The following ACOT1 variants were observed in gnomAD, a reference collection of about 807,000 sequenced individuals.
ACOT1 encodes acyl-CoA thioesterase 1.
ACOT1 carries 8 observed loss-of-function variants against 15.7 expected under a neutral mutation model. The observed-to-expected ratio is 0.51, with a 90% CI of 0.30 to 0.92. The LOEUF is 0.92. Among genes scored for constraint, ACOT1 ranks in the 40% least tolerant of loss-of-function variants. The pLI is 0.06. For synonymous variants in ACOT1, 67 were observed against 241.2 expected (o/e 0.28, Z 6.69); for missense variants, 151 against 539.4 (o/e 0.28, Z 7.13).
At chr14:73,523,960 C>T in the ACOT1 span, among the ~76,000 whole-genome samples, 42 of 152,086 alleles carry the variant, frequency 2.8e-4, no homozygotes, top group Admixed American at 2.8e-3. Context: ...AGTCATCCAG[C>T]ACACCTATTG....
chr14:73,490,960 G>T, the ACOT1 span: 3 of 1,293,308 alleles, frequency 2.3e-6, no homozygotes, highest in South Asian at 2.5e-5. Flanking sequence ...CTGCATTCAG[G>T]AACCGCTTTA....
At chr14:73,492,443 G>C in the ACOT1 span, 2 of 1,613,778 alleles carry the variant, frequency 1.2e-6, no homozygotes, top group Non-Finnish European at 1.7e-6. The surrounding 1 kb of genome is among the most constrained non-coding windows in gnomAD (Gnocchi z 4.9). Flanking sequence ...GCGAAGAACC[G>C]CTTTCATGGA....
chr14:73,539,592 A>C (rs1889005044), intron 1 of ACOT1: 1 of 116,168 alleles, frequency 8.6e-6, no homozygotes, highest in African/African-American at 2.8e-5. Context: ...AGGGCTTCAC[A>C]CCCATGGGCC....
the ACOT1 span, among the ~76,000 whole-genome samples, chr14:73,513,877 A>C: frequency 1.3e-5 from 2 of 152,084 alleles, no homozygotes; most frequent in African/African-American, 4.8e-5. Flanking sequence ...CTAACACCCA[A>C]TGTGTGAAAG....
At chr14:73,491,492 C>G in the ACOT1 span, 2 of 1,505,626 alleles carry the variant, frequency 1.3e-6, no homozygotes, top group Non-Finnish European at 1.8e-6. Context: ...AGCGGCCGTC[C>G]AGTCGTCCGG....
At chr14:73,536,412 G>A (rs1180749304), upstream of ACOT1, among the ~76,000 whole-genome samples, 1 of 108,870 alleles carries the variant, frequency 9.2e-6, no homozygotes. Context: ...AGAGGCTGAG[G>A]CAGGAAGATG....
the ACOT1 span, among the ~76,000 whole-genome samples, chr14:73,498,554 C>G: frequency 6.6e-6 from 1 of 152,152 alleles, no homozygotes; most frequent in African/African-American, 2.4e-5. Context: ...GGATATTTGC[C>G]TATTTTGGGA....
chr14:73,492,763 C>T, the ACOT1 span: 1 of 1,613,934 alleles, frequency 6.2e-7, no homozygotes, highest in African/African-American at 1.3e-5. This position sits in a 1 kb window ranked among gnomAD's most constrained non-coding sequence, Gnocchi z 4.9. Flanking sequence ...TGGAAGAACC[C>T]AAGTGCTTGG....
the ACOT1 span, chr14:73,499,104 G>A: frequency 6.2e-7 from 1 of 1,614,170 alleles, no homozygotes; most frequent in South Asian, 1.1e-5. Flanking sequence ...TTCCAGTAAG[G>A]ATCTCTCTGC....
chr14:73,524,804 G>C, the ACOT1 span, among the ~76,000 whole-genome samples: 8 of 151,878 alleles, frequency 5.3e-5, no homozygotes, highest in Non-Finnish European at 1.2e-4. Context: ...GGATGAAGGA[G>C]AGACCATTAT....
the ACOT1 span, chr14:73,493,030 TCTTAC>T: frequency 6.3e-7 from 1 of 1,593,548 alleles, no homozygotes. Context: ...AAACTCACGT[TCTTAC>T]CTTGATAAGC....
the ACOT1 span, chr14:73,518,904 A>G: frequency 1.1e-6 from 1 of 935,710 alleles, no homozygotes; most frequent in Non-Finnish European, 1.6e-6. Context: ...GATTGCCTAG[A>G]TGCTAATGGT....
rs571957242 is a variant in ACOT1, at chr14:73,540,980, G to A, written c.458-513G>A. Among the ~76,000 whole-genome samples, 8 of 115,994 alleles carry A rather than the reference G, an allele frequency of 6.9e-5. 1 individual carries two copies. The highest frequency in any genetic ancestry group is 1.1e-4 in the Non-Finnish European group (6 of 53,248). The allele number at this position is 115,994 out of a possible 152,430, so 76.1% of individuals were successfully genotyped here. ...TGGTCTCGAACTCCTGACCTCAGGT[G>A]ATCCACCCGTCTCAGCCTCCCAAAG... On this transcript the variant is annotated intron_variant, in intron 1 of 2. Coordinates refer to ENST00000311148, the MANE Select transcript of ACOT1 (RefSeq NM_001037161.2).
the ACOT1 span, chr14:73,491,640 G>A: frequency 1.3e-6 from 2 of 1,549,916 alleles, no homozygotes; most frequent in Non-Finnish European, 8.7e-7. Flanking sequence ...CTCTTTGAGT[G>A]GCTCATCGCG....
chr14:73,506,886 C>T, the ACOT1 span, among the ~76,000 whole-genome samples: 6 of 145,466 alleles, frequency 4.1e-5, no homozygotes, highest in Middle Eastern at 3.6e-3. Context: ...CTGCAACCTC[C>T]GCCTCTCGGG....
the ACOT1 span, chr14:73,502,932 G>T: frequency 1.2e-6 from 2 of 1,613,958 alleles, no homozygotes; most frequent in Non-Finnish European, 1.7e-6. Context: ...AGGCTCATTT[G>T]CCCAAGCGCC....
Position 73,542,286 on chromosome 14 carries a change from C to T in ACOT1, c.660+591C>T, listed in dbSNP as rs1402570849. On this transcript the variant is annotated intron_variant, in intron 2 of 2. Transcript: ENST00000311148. The stretch of plus-strand genomic sequence containing the variant: ...GTGCTGGAATTACAGGCATGAGCCA[C>T]CACACCTGGCCTCTTATAGACAGTT... 1.8e-5 allele frequency among the ~76,000 whole-genome samples: 2 copies of T among 111,012 alleles called. 1 individual carries two copies. The highest frequency in any genetic ancestry group is 2.0e-4 in the Admixed American group (2 of 9,886). The allele number at this position is 111,012 out of a possible 152,430, so 72.8% of individuals were successfully genotyped here. A position where few individuals can be genotyped will look rare whatever the true frequency, so the allele number is the denominator to read the frequency against.
At chr14:73,519,003 C>T in the ACOT1 span, 1 of 1,603,378 alleles carries the variant, frequency 6.2e-7, no homozygotes, top group African/African-American at 1.3e-5. Context: ...CCCTGCCTTC[C>T]CTGTTAGCTT....
At chr14:73,492,458 G>A in the ACOT1 span, 1 of 1,613,788 alleles carries the variant, frequency 6.2e-7, no homozygotes, top group Middle Eastern at 1.7e-4. The surrounding 1 kb of genome is among the most constrained non-coding windows in gnomAD (Gnocchi z 4.9). Flanking sequence ...CATGGAGAAG[G>A]TGCGGGTCTT....
Sources: allele counts gnomAD v4.1 joint callset (sites outside exome capture counted in the v4.1 genomes callset), GRCh38; gene constraint gnomAD v4.1.1; non-coding constraint Gnocchi (gnomAD v3.1); transcripts MANE v1.5; gene names NCBI Gene and HGNC (gene_info 2026-07-23, HGNC 2026-07-21).